A1CF: variants seen among roughly 807,000 people sequenced by gnomAD.
A1CF encodes the protein APOBEC-1 stimulating protein.
Under a neutral mutation model 68.9 loss-of-function variants are expected in A1CF, and 48 were observed. The observed-to-expected ratio is 0.70, with a 90% confidence interval of 0.55 to 0.89. The LOEUF (loss-of-function observed/expected upper bound fraction) is 0.89, where lower values mean the gene tolerates loss of function less well. A1CF is among the 40% of genes least tolerant of loss of function. The pLI is 0.00. For missense variants in A1CF, 653 were observed against 718.9 expected (o/e 0.91, Z 1.05); for synonymous variants, 272 against 260.4 (o/e 1.04, Z -0.43).
In A1CF at chr10:50,804,513, C is replaced by T. The variant is rs1837735729; in HGVS notation, c.*2216G>A. 1 of 152,088 alleles carries T rather than the reference C, an allele frequency of 6.6e-6. No individual in the cohort carries two copies. Among genetic ancestry groups the T allele is most frequent in the African/African-American group, 2.4e-5 (1 of 41,422 alleles). The allele number at this position is 152,088 out of a possible 1,614,324, so 9.4% of individuals were successfully genotyped here. On this transcript the variant is annotated 3_prime_UTR_variant, in exon 13 of 13. Transcript: ENST00000373997. The stretch of plus-strand genomic sequence containing the variant: ...CTTTTTAGACTCAGTAGAAATTTGC[C>T]TGCCCCAATGGACATTTGTTATGTC...
chr10:50,843,996 A>C lies in A1CF; in HGVS notation c.226T>G (p.Cys76Gly). ...GTTAAATTTGGACTCACTTTTTCAC[A>C]TAATGGTATAAGCTCATCCTCAAAA... Reference protein sequence around the residue: ...DLFEDELIPLCEKIGKIYEMR... With the variant: ...DLFEDELIPLGEKIGKIYEMR... Residue 76 changes from cysteine to glycine, a missense_variant, in exon 4 of 13, where the codon TGT becomes GGT. Coordinates refer to ENST00000373997, the MANE Select transcript of A1CF (RefSeq NM_014576.4). 1 of 1,613,298 alleles carries C rather than the reference A, an allele frequency of 6.2e-7. No homozygotes were observed. Among genetic ancestry groups the C allele is most frequent in the Non-Finnish European group, 8.5e-7 (1 of 1,179,626 alleles).
rs528429925 is a variant in A1CF, at chr10:50,805,828, G to A, written c.*901C>T. On this transcript the variant is annotated 3_prime_UTR_variant, in exon 13 of 13. Transcript: ENST00000373997. The stretch of plus-strand genomic sequence containing the variant: ...GACTTTTCAGTCAATTTGCTGAAAG[G>A]AAGAAGTATCATAAATGATATTCTG... 1 of 152,282 alleles carries A rather than the reference G, an allele frequency of 6.6e-6. No homozygotes were observed. Among genetic ancestry groups the A allele is most frequent in the Admixed American group, 6.5e-5 (1 of 15,302 alleles). 9.4% of individuals were successfully genotyped at this position (152,282 alleles called of 1,614,324 possible). A position where few individuals can be genotyped will look rare whatever the true frequency, so the allele number is the denominator to read the frequency against.
At chr10:50,814,533 A>G (rs1838276523) in intron 9 of A1CF, among the ~76,000 whole-genome samples, 1 of 152,230 alleles carries the variant, frequency 6.6e-6, no homozygotes, top group Non-Finnish European at 1.5e-5. Flanking sequence ...GACTTATTGT[A>G]AAACAAACAT....
intron 6 of A1CF, among the ~76,000 whole-genome samples, chr10:50,833,887 C>T (rs1317336384): frequency 1.3e-5 from 2 of 152,110 alleles, no homozygotes; most frequent in African/African-American, 4.8e-5. Context: ...CTGAGACTGG[C>T]TCAAAGGGCC....
chr10:50,872,709 A>G (rs1176598052), intron 1 of A1CF, among the ~76,000 whole-genome samples: 1 of 152,030 alleles, frequency 6.6e-6, no homozygotes. Flanking sequence ...AGCTATTGTA[A>G]TAGCTCCTTC....
rs145242994 is a variant in A1CF, at chr10:50,880,633, G to T, written c.-94+4948C>A. 4.8e-3 allele frequency among the ~76,000 whole-genome samples: 731 copies of T among 152,294 alleles called. 4 individuals are homozygous for T. The highest frequency in any genetic ancestry group is 0.016 in the African/African-American group (679 of 41,554). ...CTGACTTCCATTTCAAATAATCAGA[G>T]GCATTAGAGTTTAATTACATCTAAT... On this transcript the variant is annotated intron_variant, in intron 1 of 12. Coordinates refer to ENST00000373997, the MANE Select transcript of A1CF (RefSeq NM_014576.4).
chr10:50,881,889 C>T (rs1035325005), intron 1 of A1CF, among the ~76,000 whole-genome samples: 1 of 152,132 alleles, frequency 6.6e-6, no homozygotes, highest in Non-Finnish European at 1.5e-5. Context: ...AATAAACAAA[C>T]TTGGAAAATG....
rs1031546062 is a variant in A1CF, at chr10:50,814,147, T to A, written c.1142-109A>T. On this transcript the variant is annotated intron_variant, in intron 9 of 12. Coordinates refer to ENST00000373997, the MANE Select transcript of A1CF (RefSeq NM_014576.4). ...ACTGTAATGGAAAAGTTAGCCCAATTCACGTTGATTATTGCCCTGAAGATG... is the reference window on the plus strand; with the variant it reads ...ACTGTAATGGAAAAGTTAGCCCAATACACGTTGATTATTGCCCTGAAGATG... 2.5e-6 allele frequency: 3 copies of A among 1,211,232 alleles called. No individual in the cohort carries two copies. In the African/African-American group the frequency reaches 4.5e-5, roughly 18 times the overall value. The allele number at this position is 1,211,232 out of a possible 1,614,324, so 75.0% of individuals were successfully genotyped here.
In A1CF at chr10:50,806,893, G is replaced by T. The variant is rs1351802950; in HGVS notation, c.1610-13C>A. On this transcript the variant is annotated splice_polypyrimidine_tract_variant and intron_variant, in intron 12 of 12. Transcript: ENST00000373997. ...GGGACAGCATATCCTGGAGGAAGAG[G>T]CAGAGAAAACTTGATGAAAGGAATT... is the stretch of plus-strand genomic sequence containing the variant. 4 of 1,593,308 alleles carry T rather than the reference G, an allele frequency of 2.5e-6. No homozygotes were observed. Among genetic ancestry groups the T allele is most frequent in the East Asian group, 2.2e-5 (1 of 44,640 alleles).
At chr10:50,860,013 T>A in intron 2 of A1CF, 28 bp from the exon 3 acceptor site, 1 of 1,197,414 alleles carries the variant, frequency 8.4e-7, no homozygotes, top group Non-Finnish European at 1.2e-6. Flanking sequence ...ATAAATTAAG[T>A]AAATTACTGT....
Position 50,873,538 on chromosome 10 carries a change from A to G in A1CF, c.-93-9458T>C, listed in dbSNP as rs181399475. ...TTCTCTTTTTCTGTTTTATTCTTTA[A>G]TTTTTTGTTCCCTTTCCTGCTCTTT... On this transcript the variant is annotated intron_variant, in intron 1 of 12. Transcript: ENST00000373997. Among the ~76,000 whole-genome samples the G allele has an allele frequency of 4.2e-3, 646 of 152,090 alleles. 4 individuals carry two copies. Among genetic ancestry groups the G allele is most frequent in the Middle Eastern group, 0.014 (4 of 294 alleles).
At chr10:50,812,336 C>T (rs1838157197) in intron 10 of A1CF, among the ~76,000 whole-genome samples, 1 of 152,120 alleles carries the variant, frequency 6.6e-6, no homozygotes, top group East Asian at 1.9e-4. Context: ...TTGTTTAGGC[C>T]CCATCTGTGT....
intron 7 of A1CF, among the ~76,000 whole-genome samples, chr10:50,825,161 G>A (rs1838857181): frequency 6.6e-6 from 1 of 152,166 alleles, no homozygotes; most frequent in Non-Finnish European, 1.5e-5. Flanking sequence ...AGCACCCAGA[G>A]TTGGAAACAG....
chr10:50,873,909 TC>T (rs1318317531), intron 1 of A1CF, among the ~76,000 whole-genome samples: 1 of 152,062 alleles, frequency 6.6e-6, no homozygotes, highest in East Asian at 1.9e-4. Flanking sequence ...TTAGAGTTTA[TC>T]AGAGAAAAAG....
chr10:50,851,952 C>T (rs1564521894), intron 3 of A1CF, among the ~76,000 whole-genome samples: 1 of 152,192 alleles, frequency 6.6e-6, no homozygotes, highest in Non-Finnish European at 1.5e-5. Context: ...TCTTTTGCAT[C>T]TCATAATGCT....
intron 3 of A1CF, among the ~76,000 whole-genome samples, chr10:50,846,632 G>T (rs1393239100): frequency 2.0e-5 from 3 of 152,066 alleles, no homozygotes; most frequent in African/African-American, 7.2e-5. Flanking sequence ...AAATAAATAG[G>T]CAACCAGCAG....
Position 50,800,514 on chromosome 10 carries a change from A to G in A1CF, c.*6215T>C. The G allele has an allele frequency of 6.6e-6, 1 of 152,210 alleles. No individual in the cohort carries two copies. The highest frequency in any genetic ancestry group is 1.9e-4 in the East Asian group (1 of 5,194). 9.4% of individuals were successfully genotyped at this position (152,210 alleles called of 1,614,324 possible). The stretch of plus-strand genomic sequence containing the variant: ...TATATTCAATTTTGAAAAATGCAGA[A>G]TGGACCATGGGACTGTGTGCCCCAA... On this transcript the variant is annotated 3_prime_UTR_variant, in exon 13 of 13. Transcript: ENST00000373997.
At chr10:50,821,638 C>T (rs1350967610) in intron 7 of A1CF, among the ~76,000 whole-genome samples, 1 of 151,810 alleles carries the variant, frequency 6.6e-6, no homozygotes, top group African/African-American at 2.4e-5. Flanking sequence ...CTGGTTCAAG[C>T]GATTCTTCTG....
chr10:50,883,664 T>C (rs985381390), intron 1 of A1CF, among the ~76,000 whole-genome samples: 5 of 152,218 alleles, frequency 3.3e-5, no homozygotes, highest in African/African-American at 9.6e-5. Context: ...TATTGATAGA[T>C]GTTCCTGAAA....
Sources: gnomAD v4.1 joint callset for allele counts (sites outside exome capture counted in the v4.1 genomes callset) on GRCh38, gnomAD v4.1.1 for gene constraint, MANE v1.5 for transcripts, NCBI Gene and HGNC (gene_info 2026-07-23, HGNC 2026-07-21) for gene names.